Variants in HOOK3 observed in about 807,000 individuals in gnomAD.
HOOK3 encodes the protein protein Hook homolog 3.
Under a neutral mutation model 116.3 loss-of-function variants are expected in HOOK3, and 24 were observed. The ratio of observed to expected loss-of-function variants is 0.21; its 90% CI spans 0.15 to 0.29. The LOEUF (loss-of-function observed/expected upper bound fraction) is 0.29. Among genes scored for constraint, HOOK3 ranks in the 10% least tolerant of loss-of-function variants. HOOK3 has a pLI of 1.00. For missense variants in HOOK3, 632 were observed against 830.2 expected, an observed-to-expected ratio of 0.76 and a Z score of 2.93; for synonymous variants, 275 against 283.0, an observed-to-expected ratio of 0.97 and a Z score of 0.28.
At chr8:42,992,710 C>CA (rs35064772) in intron 15 of HOOK3, among the ~76,000 whole-genome samples, 3,841 of 55,742 alleles carry the variant, frequency 0.069, 218 homozygotes, top group African/African-American at 0.15. Flanking sequence ...GACTCCATCT[C>CA]AAAAAAAAAA....
chr8:42,981,053 A>C (rs1013682196), intron 13 of HOOK3, among the ~76,000 whole-genome samples: 45 of 139,582 alleles, frequency 3.2e-4, no homozygotes, highest in African/African-American at 1.1e-3. Context: ...GTAAATAATA[A>C]TTTTTTTTTT....
chr8:42,966,602 C>T lies in HOOK3; in HGVS notation c.909C>T (p.Ile303=), dbSNP rs561721523. The T allele has an allele frequency of 6.2e-6, 10 of 1,613,992 alleles. 1 individual carries two copies. In the South Asian group the frequency reaches 1.1e-4, roughly 18 times the overall value. The change falls in exon 10 of 22, where the codon ATC becomes ATT. Residue 303 remains isoleucine (I), a synonymous_variant. Transcript: ENST00000307602. ...ADEAQSLKDE[I]DVLRHSSDKV... ...AAGCTCAGTCTCTGAAAGATGAGAT[C>T]GACGTGCTGAGGTAAAAACCTCACC...
chr8:42,959,418 C>T, intron 8 of HOOK3, 104 bp downstream of exon 8: 1 of 747,904 alleles, frequency 1.3e-6, no homozygotes, highest in Non-Finnish European at 2.2e-6. Context: ...ATAACGCAAC[C>T]CTTTTTTAGG....
At chr8:43,016,890 G>A (rs1456551776) in intron 21 of HOOK3, among the ~76,000 whole-genome samples, 3 of 152,170 alleles carry the variant, frequency 2.0e-5, no homozygotes, top group African/African-American at 7.2e-5. Context: ...ATGCAAAGCT[G>A]AGGTTGGGCG....
At chr8:42,911,476 A>G (rs1393120015) in intron 2 of HOOK3, among the ~76,000 whole-genome samples, 4 of 152,184 alleles carry the variant, frequency 2.6e-5, no homozygotes, top group Admixed American at 2.6e-4. Context: ...TCTAAGGGCT[A>G]TAAGAAGCAG....
intron 17 of HOOK3, 47 bp downstream of exon 17, chr8:43,002,188 T>C (rs769702121): frequency 1.2e-5 from 17 of 1,416,036 alleles, no homozygotes; most frequent in Middle Eastern, 1.8e-4. Context: ...GTGGAACACA[T>C]GTGCTTTGTG....
At chr8:42,995,283 C>G (rs934482956) in intron 15 of HOOK3, among the ~76,000 whole-genome samples, 1 of 152,164 alleles carries the variant, frequency 6.6e-6, no homozygotes, top group African/African-American at 2.4e-5. Context: ...AGCAGTCTGG[C>G]TTCTGCTACT....
intron 5 of HOOK3, among the ~76,000 whole-genome samples, chr8:42,945,481 T>C (rs1377444056): frequency 6.6e-6 from 1 of 152,048 alleles, no homozygotes; most frequent in Non-Finnish European, 1.5e-5. Context: ...GGCTAATGCT[T>C]TGTGTTTTTA....
chr8:42,988,250 C>T (rs1163971191), intron 15 of HOOK3, among the ~76,000 whole-genome samples: 1 of 152,106 alleles, frequency 6.6e-6, no homozygotes, highest in South Asian at 2.1e-4. Flanking sequence ...GAGGAGATTG[C>T]GGGAGCAGCT....
intron 11 of HOOK3, among the ~76,000 whole-genome samples, chr8:42,973,046 A>C (rs1340866804): frequency 1.3e-5 from 2 of 152,224 alleles, no homozygotes; most frequent in East Asian, 1.9e-4. Context: ...TATTGCTAGA[A>C]ATGAAAATCC....
chr8:42,922,673 C>T (rs1336110393), intron 2 of HOOK3, among the ~76,000 whole-genome samples: 5 of 151,548 alleles, frequency 3.3e-5, no homozygotes, highest in Middle Eastern at 3.4e-3. Context: ...CTGAGGTGGG[C>T]GGATCACTTG....
intron 17 of HOOK3, among the ~76,000 whole-genome samples, 153 bp downstream of exon 17, chr8:43,002,294 TC>T (rs1333684248): frequency 6.6e-6 from 1 of 152,194 alleles, no homozygotes; most frequent in Non-Finnish European, 1.5e-5. Flanking sequence ...GGGTCACTTC[TC>T]CCCAAGGTTC....
chr8:42,935,790 G>C (rs1057364386), intron 4 of HOOK3, among the ~76,000 whole-genome samples: 20 of 152,194 alleles, frequency 1.3e-4, no homozygotes, highest in Non-Finnish European at 2.1e-4. Flanking sequence ...TTTGGTTACT[G>C]TAGCCTTGTA....
At chr8:42,921,297 C>T (rs1353676616) in intron 2 of HOOK3, among the ~76,000 whole-genome samples, 3 of 152,026 alleles carry the variant, frequency 2.0e-5, no homozygotes, top group African/African-American at 7.2e-5. Context: ...TAGTCATCAG[C>T]TGCAGGGCAC....
intron 16 of HOOK3, among the ~76,000 whole-genome samples, chr8:42,998,401 G>A (rs964911320): frequency 6.6e-6 from 1 of 152,098 alleles, no homozygotes; most frequent in Admixed American, 6.6e-5. Flanking sequence ...TCAACCAGAT[G>A]TTTTGTTTTT....
At chr8:42,958,335 G>A (rs2130409921) in intron 7 of HOOK3, among the ~76,000 whole-genome samples, 1 of 152,002 alleles carries the variant, frequency 6.6e-6, no homozygotes, top group Admixed American at 6.6e-5. Flanking sequence ...CTACCACACA[G>A]AGGTTTGGTC....
Position 43,028,878 on chromosome 8 carries a change from A to C in HOOK3, c.*10380A>C. 5.0e-6 allele frequency: 1 copy of C among 201,938 alleles called. No individual in the cohort carries two copies. Among genetic ancestry groups the C allele is most frequent in the South Asian group, 1.9e-4 (1 of 5,256 alleles). The allele number at this position is 201,938 out of a possible 1,614,324, so 12.5% of individuals were successfully genotyped here. A position where few individuals can be genotyped will look rare whatever the true frequency, so the allele number is the denominator to read the frequency against. On this transcript the variant is annotated 3_prime_UTR_variant, in exon 22 of 22. Transcript: ENST00000307602. The stretch of plus-strand genomic sequence containing the variant: ...CTCTTTAAATTTTTGTAATCAAGCA[A>C]CAGACTTGATCCAGCAGTGTCGAAT...
rs544079688 is a variant in HOOK3 at position 42,966,979 on chromosome 8, A to C, written c.920+366A>C. On this transcript the variant is annotated intron_variant, in intron 10 of 21. Coordinates refer to ENST00000307602, the MANE Select transcript of HOOK3 (RefSeq NM_032410.4). The stretch of plus-strand genomic sequence containing the variant: ...CCTCATTTTCTTGCTGGGCCTTGTT[A>C]TTACCCCTTCAGTTCTCTCATGAGG... Among the ~76,000 whole-genome samples, 206 of 151,900 alleles carry C rather than the reference A, an allele frequency of 1.4e-3. 1 individual carries two copies. The highest frequency in any genetic ancestry group is 2.5e-3 in the Non-Finnish European group (172 of 67,942).
chr8:42,934,846 A>G (rs1197652153), intron 4 of HOOK3, among the ~76,000 whole-genome samples: 1 of 152,216 alleles, frequency 6.6e-6, no homozygotes, highest in African/African-American at 2.4e-5. Context: ...TAGTGCTGCA[A>G]TAAACATGTG....
Sources: gnomAD v4.1 joint callset for allele counts (sites outside exome capture counted in the v4.1 genomes callset) on GRCh38, gnomAD v4.1.1 for gene constraint, MANE v1.5 for transcripts, NCBI Gene and HGNC (gene_info 2026-07-23, HGNC 2026-07-21) for gene names.